Variants in HPGDS observed in about 807,000 individuals in gnomAD.
HPGDS encodes the protein GST class-sigma.
Under a neutral mutation model 23.1 loss-of-function variants are expected in HPGDS, and 26 were observed. The observed-to-expected ratio is 1.13, with a 90% CI of 0.83 to 1.56. HPGDS has a LOEUF of 1.56. Among genes scored for constraint, HPGDS ranks in the 40% most tolerant of loss-of-function variants. HPGDS has a pLI of 0.00. For synonymous variants in HPGDS, 95 were observed against 77.9 expected (o/e 1.22, Z -1.16); for missense variants, 268 against 236.4 (o/e 1.13, Z -0.88).
At chr4:94,304,160 A>G (rs1378757939) in intron 4 of HPGDS, among the ~76,000 whole-genome samples, 2 of 151,908 alleles carry the variant, frequency 1.3e-5, no homozygotes, top group African/African-American at 2.4e-5. Context: ...ATTTGTTGCT[A>G]TGAAAGTTTA....
At chr4:94,340,164 G>A (rs1270852409) in intron 1 of HPGDS, among the ~76,000 whole-genome samples, 4 of 151,614 alleles carry the variant, frequency 2.6e-5, no homozygotes, top group Non-Finnish European at 1.5e-5. Flanking sequence ...CACCATGTTG[G>A]CCAGGATGGT....
intron 4 of HPGDS, 149 bp downstream of exon 4, chr4:94,308,485 T>A: frequency 2.0e-6 from 1 of 489,946 alleles, no homozygotes; most frequent in Non-Finnish European, 3.6e-6. Flanking sequence ...AGGGAATTGC[T>A]GTACTTTATT....
At chr4:94,329,659 C>T (rs1482537398) in intron 2 of HPGDS, among the ~76,000 whole-genome samples, 1 of 152,166 alleles carries the variant, frequency 6.6e-6, no homozygotes, top group Non-Finnish European at 1.5e-5. Context: ...GAGCCATTGA[C>T]AACAGAATGT....
chr4:94,308,752 TA>T lies in HPGDS; in HGVS notation c.227-10del. 1 of 1,418,680 alleles carries T rather than the reference TA, an allele frequency of 7.0e-7. No individual in the cohort carries two copies. The highest frequency in any genetic ancestry group is 9.9e-7 in the Non-Finnish European group (1 of 1,006,230). 87.9% of individuals were successfully genotyped at this position (1,418,680 alleles called of 1,614,324 possible). ...TGTGTTTCCAGCCAAATCTGTGGAA[TA>T]GAGAGAGGCCCATCAATATGTTTAA... On this transcript the variant is annotated splice_polypyrimidine_tract_variant and intron_variant, in intron 3 of 5. Coordinates refer to ENST00000295256, the MANE Select transcript of HPGDS (RefSeq NM_014485.3).
intron 4 of HPGDS, among the ~76,000 whole-genome samples, 175 bp from the exon 5 acceptor site, chr4:94,302,419 A>T (rs1297188440): frequency 6.6e-6 from 1 of 152,076 alleles, no homozygotes; most frequent in Non-Finnish European, 1.5e-5. Flanking sequence ...TTCTCTATAG[A>T]TGTGAGTCAT....
chr4:94,322,997 T>A (rs760731555), intron 2 of HPGDS, among the ~76,000 whole-genome samples: 1 of 152,238 alleles, frequency 6.6e-6, no homozygotes, highest in East Asian at 1.9e-4. Flanking sequence ...AATATGTTTA[T>A]TTCTGCCTTC....
chr4:94,299,348 A>G lies in HPGDS; in HGVS notation c.*132T>C. On this transcript the variant is annotated 3_prime_UTR_variant, in exon 6 of 6. Transcript: ENST00000295256. ...TTTATTTTCCTTTTTAAAAATCAGA[A>G]TATGGCTAAAGTGAAAATCTTAGTG... 5.4e-6 allele frequency: 4 copies of G among 744,502 alleles called. No individual in the cohort carries two copies. The highest frequency in any genetic ancestry group is 8.3e-6 in the Non-Finnish European group (4 of 479,170). The allele number at this position is 744,502 out of a possible 1,614,324, so 46.1% of individuals were successfully genotyped here.
chr4:94,322,408 G>T (rs1756532886), intron 2 of HPGDS, among the ~76,000 whole-genome samples: 1 of 152,010 alleles, frequency 6.6e-6, no homozygotes, highest in African/African-American at 2.4e-5. Flanking sequence ...TTTTTTGGTT[G>T]GTAGGCTATT....
At chr4:94,330,766 A>G (rs903237798) in intron 2 of HPGDS, among the ~76,000 whole-genome samples, 2 of 151,208 alleles carry the variant, frequency 1.3e-5, no homozygotes, top group African/African-American at 4.9e-5. Context: ...CATTTTATTG[A>G]TGTGTTTGTA....
intron 1 of HPGDS, among the ~76,000 whole-genome samples, chr4:94,340,311 C>CTTTTTCTTTTTTTTTTTTTTTTTTTT (rs1560598005): frequency 1.3e-4 from 3 of 23,678 alleles, no homozygotes; most frequent in African/African-American, 4.4e-4. Context: ...CTTTCTTTCT[C>CTTTTTCTTTTTTTTTTTTTTTTTTTT]TTTTTTTTTT....
intron 2 of HPGDS, among the ~76,000 whole-genome samples, chr4:94,323,295 G>T (rs912892499): frequency 6.6e-6 from 1 of 152,194 alleles, no homozygotes; most frequent in Non-Finnish European, 1.5e-5. Context: ...GTGCAGAGCT[G>T]GCTTTAAGTC....
chr4:94,323,914 A>G (rs1000483679), intron 2 of HPGDS, among the ~76,000 whole-genome samples: 1 of 151,964 alleles, frequency 6.6e-6, no homozygotes, highest in Non-Finnish European at 1.5e-5. Flanking sequence ...GTTTCTTTCC[A>G]TGTTTAGTGC....
intron 2 of HPGDS, 167 bp downstream of exon 2, chr4:94,334,330 A>G: frequency 1.9e-6 from 1 of 519,076 alleles, no homozygotes; most frequent in Non-Finnish European, 3.2e-6. Context: ...TTTCACCTCT[A>G]ATAGGAAATT....
chr4:94,325,736 T>C (rs868750732), intron 2 of HPGDS, among the ~76,000 whole-genome samples: 2 of 152,168 alleles, frequency 1.3e-5, no homozygotes, highest in African/African-American at 4.8e-5. Context: ...CCCCTGTGCT[T>C]CCTGGGTGAG....
At chr4:94,327,878 C>A (rs75906864) in intron 2 of HPGDS, among the ~76,000 whole-genome samples, 1 of 152,160 alleles carries the variant, frequency 6.6e-6, no homozygotes, top group Non-Finnish European at 1.5e-5. Flanking sequence ...TGGAGATGCA[C>A]GGGCTTTTGG....
At chr4:94,310,761 C>T (rs1211347086) in intron 3 of HPGDS, among the ~76,000 whole-genome samples, 2 of 152,130 alleles carry the variant, frequency 1.3e-5, no homozygotes, top group African/African-American at 4.8e-5. Flanking sequence ...ATTCTTCCTA[C>T]CCATGAGCAT....
chr4:94,309,709 A>T (rs1171224658), intron 3 of HPGDS, among the ~76,000 whole-genome samples: 1 of 151,694 alleles, frequency 6.6e-6, no homozygotes, highest in African/African-American at 2.4e-5. Context: ...CACCACACTG[A>T]CTTCCACAAT....
intron 3 of HPGDS, among the ~76,000 whole-genome samples, chr4:94,316,786 A>C (rs1756406477): frequency 6.6e-6 from 1 of 152,242 alleles, no homozygotes; most frequent in Non-Finnish European, 1.5e-5. Flanking sequence ...GACCCACCCA[A>C]GGTCTACTGA....
chr4:94,319,534 A>G (rs1013219585), intron 2 of HPGDS, among the ~76,000 whole-genome samples: 6 of 152,144 alleles, frequency 3.9e-5, no homozygotes, highest in Non-Finnish European at 5.9e-5. Context: ...ATAAAGGCTT[A>G]TTTATCTTTG....
Sources: allele counts gnomAD v4.1 joint callset (sites outside exome capture counted in the v4.1 genomes callset), GRCh38; gene constraint gnomAD v4.1.1; transcripts MANE v1.5; gene names NCBI Gene and HGNC (gene_info 2026-07-23, HGNC 2026-07-21).